The following KCNH7 variants were observed in gnomAD, a reference collection of about 807,000 sequenced individuals.
KCNH7 encodes potassium voltage-gated channel subfamily H member 7.
KCNH7 carries 49 observed loss-of-function variants against 120.8 expected under a neutral mutation model. The observed-to-expected ratio is 0.41, with a 90% confidence interval of 0.32 to 0.51. The LOEUF is 0.51. Among genes scored for constraint, KCNH7 ranks in the 20% least tolerant of loss-of-function variants. The pLI, the probability that KCNH7 is intolerant of heterozygous loss-of-function variation, is 0.38. For synonymous variants in KCNH7, 547 were observed against 516.1 expected (o/e 1.06, Z -0.81); for missense variants, 1,097 against 1,446.6 (o/e 0.76, Z 3.92).
chr2:162,428,327 C>T (rs1403725781), intron 8 of KCNH7, among the ~76,000 whole-genome samples: 2 of 151,732 alleles, frequency 1.3e-5, no homozygotes, highest in Non-Finnish European at 3.0e-5. Context: ...TTCTCCTACT[C>T]CTTGCCCTCT....
At chr2:162,505,293 A>G (rs370185695) in intron 5 of KCNH7, among the ~76,000 whole-genome samples, 5 of 152,004 alleles carry the variant, frequency 3.3e-5, no homozygotes, top group African/African-American at 9.6e-5. Flanking sequence ...CTTGGATCAT[A>G]TGTGGGATTT....
chr2:162,707,859 A>T (rs966431181), intron 2 of KCNH7, among the ~76,000 whole-genome samples: 1 of 152,108 alleles, frequency 6.6e-6, no homozygotes, highest in Non-Finnish European at 1.5e-5. Flanking sequence ...CTTCAGTCCC[A>T]GTGCCTCTGC....
chr2:162,687,694 ACC>A (rs1685946521), intron 2 of KCNH7, among the ~76,000 whole-genome samples: 1 of 152,110 alleles, frequency 6.6e-6, no homozygotes, highest in Non-Finnish European at 1.5e-5. Flanking sequence ...TTATTAGCAC[ACC>A]ACTGGTAAAG....
chr2:162,644,560 A>G (rs912408733), intron 2 of KCNH7, among the ~76,000 whole-genome samples: 14 of 152,216 alleles, frequency 9.2e-5, no homozygotes, highest in African/African-American at 3.1e-4. Context: ...GGATTTATCC[A>G]AAGTACAAAT....
At chr2:162,545,583 A>C (rs924672699) in intron 2 of KCNH7, among the ~76,000 whole-genome samples, 23 of 152,176 alleles carry the variant, frequency 1.5e-4, no homozygotes, top group African/African-American at 5.6e-4. Context: ...AGATCTCAGG[A>C]ATCTAGTTAA....
intron 2 of KCNH7, among the ~76,000 whole-genome samples, chr2:162,810,397 A>T (rs1314923007): frequency 6.6e-6 from 1 of 152,184 alleles, no homozygotes; most frequent in Non-Finnish European, 1.5e-5. Context: ...GAAGATAAGG[A>T]CTGGGTGTCA....
At chr2:162,642,972 C>T (rs962341593) in intron 2 of KCNH7, among the ~76,000 whole-genome samples, 7 of 152,084 alleles carry the variant, frequency 4.6e-5, no homozygotes, top group African/African-American at 1.7e-4. Context: ...TGAAAGAATG[C>T]ATATGGTTTG....
intron 2 of KCNH7, among the ~76,000 whole-genome samples, chr2:162,693,793 GTGTCAA>G (rs1388696144): frequency 6.6e-6 from 1 of 152,162 alleles, no homozygotes; most frequent in African/African-American, 2.4e-5. Context: ...TCTGAAAAAT[GTGTCAA>G]TGTAAGGTGA....
intron 2 of KCNH7, among the ~76,000 whole-genome samples, chr2:162,637,024 G>C (rs752743643): frequency 3.3e-5 from 5 of 152,038 alleles, no homozygotes; most frequent in Admixed American, 6.6e-5. Flanking sequence ...ATTCATTAGA[G>C]GCTCAATCAA....
chr2:162,837,318 G>C (rs1002971903), intron 1 of KCNH7, among the ~76,000 whole-genome samples: 1 of 152,078 alleles, frequency 6.6e-6, no homozygotes, highest in Non-Finnish European at 1.5e-5. Context: ...ATATTTAATA[G>C]CAATTCAACA....
At position 162,625,182 on chromosome 2, in the gene KCNH7, C is replaced by A. The variant is rs541679058; in HGVS notation, c.308-88102G>T. Among the ~76,000 whole-genome samples, 28 of 152,162 alleles carry A rather than the reference C, an allele frequency of 1.8e-4. No individual in the cohort carries two copies. In the East Asian group the frequency reaches 5.2e-3, roughly 28 times the overall value. On this transcript the variant is annotated intron_variant, in intron 2 of 15. Coordinates refer to ENST00000332142, the MANE Select transcript of KCNH7 (RefSeq NM_033272.4). ...AAAGTGCTGGGGTTACAGGCATGAG[C>A]CACCATGCCAAGTCAAAGTGCACTC... is the stretch of plus-strand genomic sequence containing the variant.
At chr2:162,753,038 C>T (rs1233297678) in intron 2 of KCNH7, among the ~76,000 whole-genome samples, 1 of 30,664 alleles carries the variant, frequency 3.3e-5, no homozygotes, top group East Asian at 5.2e-4. Flanking sequence ...GAAACCCTGA[C>T]TAATAATAAT....
chr2:162,773,048 G>C (rs1449741210), intron 2 of KCNH7, among the ~76,000 whole-genome samples: 3 of 152,164 alleles, frequency 2.0e-5, no homozygotes. Context: ...AATCATGACA[G>C]TGATCTTTAA....
Position 162,613,468 on chromosome 2 carries a change from T to A in KCNH7, c.308-76388A>T, listed in dbSNP as rs140372330. The stretch of plus-strand genomic sequence containing the variant: ...TCTAACCCACAAAAAATATCTTAGT[T>A]ACTAAGAATAAAATTATCCCCGAAG... On this transcript the variant is annotated intron_variant, in intron 2 of 15. Transcript: ENST00000332142. Among the ~76,000 whole-genome samples, 72 of 152,150 alleles carry A rather than the reference T, an allele frequency of 4.7e-4. 1 individual carries two copies. In the East Asian group the frequency reaches 0.011, roughly 23 times the overall value.
intron 2 of KCNH7, among the ~76,000 whole-genome samples, chr2:162,721,143 A>G (rs1414157717): frequency 2.0e-5 from 3 of 152,210 alleles, no homozygotes; most frequent in Non-Finnish European, 4.4e-5. Flanking sequence ...TTCAGAAAAT[A>G]GTTGCAAATA....
intron 2 of KCNH7, among the ~76,000 whole-genome samples, chr2:162,591,429 C>T (rs1050956599): frequency 1.3e-5 from 2 of 151,922 alleles, no homozygotes; most frequent in East Asian, 3.9e-4. Flanking sequence ...CTAACTATTC[C>T]TATTCCAGAA....
intron 3 of KCNH7, among the ~76,000 whole-genome samples, chr2:162,534,852 C>A (rs1692053638): frequency 6.6e-6 from 1 of 151,534 alleles, no homozygotes; most frequent in Non-Finnish European, 1.5e-5. Flanking sequence ...ATGCAAATTG[C>A]AAAATTAATA....
intron 5 of KCNH7, among the ~76,000 whole-genome samples, chr2:162,506,904 G>A (rs189900018): frequency 8.6e-5 from 13 of 151,936 alleles, no homozygotes; most frequent in African/African-American, 2.9e-4. Context: ...GAATTTCAAT[G>A]TCACAATTCG....
intron 2 of KCNH7, among the ~76,000 whole-genome samples, chr2:162,602,044 G>T (rs918169533): frequency 8.5e-5 from 13 of 152,178 alleles, no homozygotes; most frequent in African/African-American, 3.1e-4. Flanking sequence ...TTGCAGAGGA[G>T]GGGGGTGGAG....
Sources: gnomAD v4.1 joint callset for allele counts (sites outside exome capture counted in the v4.1 genomes callset) on GRCh38, gnomAD v4.1.1 for gene constraint, MANE v1.5 for transcripts, NCBI Gene and HGNC (gene_info 2026-07-23, HGNC 2026-07-21) for gene names.